NRG1: variants seen among roughly 807,000 people sequenced by gnomAD.
The protein encoded by NRG1 is pro-neuregulin-1, membrane-bound isoform.
Under a neutral mutation model 63.8 loss-of-function variants are expected in NRG1, and 18 were observed. The observed-to-expected ratio is 0.28, with a 90% CI of 0.19 to 0.42. NRG1 has a LOEUF of 0.42. NRG1 is among the 10% of genes least tolerant of loss of function. The pLI is 1.00. For synonymous variants in NRG1, 302 were observed against 301.3 expected, an observed-to-expected ratio of 1.00 and a Z score of -0.02; for missense variants, 762 against 814.7, an observed-to-expected ratio of 0.94 and a Z score of 0.79.
chr8:32,574,897 T>C (rs1424196474), intron 1 of NRG1, among the ~76,000 whole-genome samples: 2 of 152,218 alleles, frequency 1.3e-5, no homozygotes, highest in Non-Finnish European at 2.9e-5. Flanking sequence ...TGTTAGTACA[T>C]AGAATTTCTG....
chr8:32,366,709 A>G lies in NRG1; in HGVS notation c.38-229119A>G, dbSNP rs1454871405. Reference sequence around the variant, plus strand: ...TATATATATATATATATATATATATATATATCTCACTTTTTTTTTTGAGAC... The same window carrying G: ...TATATATATATATATATATATATATGTATATCTCACTTTTTTTTTTGAGAC... On this transcript the variant is annotated intron_variant, in intron 1 of 10. Coordinates refer to the NRG1 transcript ENST00000519301. Among the ~76,000 whole-genome samples the G allele has an allele frequency of 2.4e-4, 18 of 73,802 alleles. No homozygotes were observed. The South Asian group carries it at 6.9e-3, about 28-fold the overall frequency. 48.4% of individuals were successfully genotyped at this position (73,802 alleles called of 152,430 possible). A position where few individuals can be genotyped will look rare whatever the true frequency, so the allele number is the denominator to read the frequency against.
chr8:32,056,079 G>A (rs557478665), intron 1 of NRG1, among the ~76,000 whole-genome samples: 1 of 152,230 alleles, frequency 6.6e-6, no homozygotes, highest in Admixed American at 6.5e-5. Flanking sequence ...GCAACATGGG[G>A]ATCCAAATTG....
chr8:32,353,764 T>C (rs548114591), intron 1 of NRG1, among the ~76,000 whole-genome samples: 4 of 152,328 alleles, frequency 2.6e-5, no homozygotes, highest in African/African-American at 7.2e-5. Flanking sequence ...TTTGGCAGCT[T>C]CTTAACAATT....
At chr8:31,820,335 A>G (rs1380458747) in intron 1 of NRG1, among the ~76,000 whole-genome samples, 1 of 152,172 alleles carries the variant, frequency 6.6e-6, no homozygotes, top group Non-Finnish European at 1.5e-5. Flanking sequence ...AGAGATAGAA[A>G]GACTTGTATG....
chr8:32,003,963 CAA>C (rs1277373369), intron 1 of NRG1, among the ~76,000 whole-genome samples: 1 of 151,610 alleles, frequency 6.6e-6, no homozygotes, highest in Non-Finnish European at 1.5e-5. Context: ...GAAAATGAAA[CAA>C]ATTTATTTTT....
chr8:31,892,192 A>G (rs1309416144), intron 1 of NRG1, among the ~76,000 whole-genome samples: 2 of 152,138 alleles, frequency 1.3e-5, no homozygotes, highest in Non-Finnish European at 2.9e-5. Flanking sequence ...ACTGATCTCT[A>G]ATGAAAAGTC....
chr8:32,422,420 G>A (rs895050719), intron 1 of NRG1, among the ~76,000 whole-genome samples: 2 of 152,178 alleles, frequency 1.3e-5, no homozygotes, highest in African/African-American at 4.8e-5. Context: ...ATGGATGTGT[G>A]TACAGTTTTG....
chr8:32,529,332 G>A (rs2129516975), intron 1 of NRG1, among the ~76,000 whole-genome samples: 1 of 152,354 alleles, frequency 6.6e-6, no homozygotes, highest in South Asian at 2.1e-4. Flanking sequence ...GGGTGTCAGT[G>A]AGTGAGTGGT....
chr8:32,184,040 C>T (rs1219874876), intron 1 of NRG1, among the ~76,000 whole-genome samples: 1 of 151,838 alleles, frequency 6.6e-6, no homozygotes, highest in Non-Finnish European at 1.5e-5. Flanking sequence ...TAGCAATTCC[C>T]CATTATGTAT....
intron 1 of NRG1, among the ~76,000 whole-genome samples, chr8:32,366,870 C>A (rs982668970): frequency 2.0e-5 from 3 of 151,360 alleles, no homozygotes; most frequent in African/African-American, 7.3e-5. Context: ...GCCACCATAT[C>A]CGGCTAATTT....
At chr8:31,718,287 C>T (rs1370868094) in intron 1 of NRG1, among the ~76,000 whole-genome samples, 3 of 152,052 alleles carry the variant, frequency 2.0e-5, no homozygotes, top group Non-Finnish European at 4.4e-5. Flanking sequence ...CTGTCTTTCC[C>T]TAAGTACCTG....
chr8:31,726,902 G>T (rs146850435), intron 1 of NRG1, among the ~76,000 whole-genome samples: 1 of 152,166 alleles, frequency 6.6e-6, no homozygotes, highest in African/African-American at 2.4e-5. Flanking sequence ...AGAAGGTCTG[G>T]TTATGAGGTG....
chr8:31,914,666 A>C (rs572645400), intron 1 of NRG1, among the ~76,000 whole-genome samples: 63 of 152,276 alleles, frequency 4.1e-4, no homozygotes, highest in African/African-American at 1.3e-3. Flanking sequence ...TTAGGAAAGT[A>C]GTACCAGTTA....
At chr8:32,337,684 C>CAAAAAAAAAAAAAAAAA (rs1586900950) in intron 1 of NRG1, among the ~76,000 whole-genome samples, 3 of 32,592 alleles carry the variant, frequency 9.2e-5, no homozygotes, top group Admixed American at 3.7e-4. Flanking sequence ...AAAAAAAAAG[C>CAAAAAAAAAAAAAAAAA]TGATGCAGTT....
At chr8:31,800,928 C>A (rs1255570662) in intron 1 of NRG1, among the ~76,000 whole-genome samples, 1 of 148,078 alleles carries the variant, frequency 6.8e-6, no homozygotes, top group African/African-American at 2.5e-5. Flanking sequence ...GCAAGCTCCA[C>A]CTTCCAGGTT....
intron 1 of NRG1, among the ~76,000 whole-genome samples, chr8:31,831,228 A>C (rs552199282): frequency 6.6e-6 from 1 of 151,806 alleles, no homozygotes; most frequent in South Asian, 2.1e-4. Context: ...CACCCTCCTG[A>C]GCAGCTGGTA....
intron 1 of NRG1, among the ~76,000 whole-genome samples, chr8:31,908,137 G>T (rs1481091022): frequency 1.3e-5 from 2 of 152,088 alleles, no homozygotes; most frequent in African/African-American, 4.8e-5. Context: ...TTTATTTTTT[G>T]AAGTTTATAA....
chr8:31,820,381 G>A (rs1415788645), intron 1 of NRG1, among the ~76,000 whole-genome samples: 1 of 152,170 alleles, frequency 6.6e-6, no homozygotes. Context: ...CTCGGGGAGA[G>A]TAAAAAGATG....
intron 1 of NRG1, among the ~76,000 whole-genome samples, chr8:32,214,302 A>C (rs1428238996): frequency 1.3e-5 from 2 of 152,328 alleles, no homozygotes; most frequent in Non-Finnish European, 2.9e-5. Flanking sequence ...ACCTATGCAA[A>C]GATATATCTT....
Sources: allele counts gnomAD v4.1 joint callset (sites outside exome capture counted in the v4.1 genomes callset), GRCh38; gene constraint gnomAD v4.1.1; transcripts MANE v1.5; gene names NCBI Gene and HGNC (gene_info 2026-07-23, HGNC 2026-07-21).